TMEM132B: variants seen among roughly 807,000 people sequenced by gnomAD.
The protein encoded by TMEM132B is transmembrane protein 132B.
A neutral mutation model predicts 90.8 loss-of-function variants in TMEM132B; 18 were observed. The observed-to-expected ratio is 0.20, with a 90% CI of 0.14 to 0.29. The LOEUF (loss-of-function observed/expected upper bound fraction) is 0.29, where lower values mean the gene tolerates loss of function less well. Among genes scored for constraint, TMEM132B ranks in the 10% least tolerant of loss-of-function variants. The pLI, the probability that TMEM132B is intolerant of heterozygous loss-of-function variation, is 1.00. For missense variants in TMEM132B, 1,096 were observed against 1,326.8 expected (o/e 0.83, Z 2.70); for synonymous variants, 504 against 523.3 (o/e 0.96, Z 0.50).
chr12:125,627,423 C>T (rs915269943), intron 5 of TMEM132B, among the ~76,000 whole-genome samples: 2 of 151,932 alleles, frequency 1.3e-5, no homozygotes, highest in African/African-American at 4.8e-5. Flanking sequence ...GAGATGAATC[C>T]TTTTTATGAT....
chr12:125,276,942 G>A (rs999897267), intron 1 of TMEM132B, among the ~76,000 whole-genome samples: 2 of 152,150 alleles, frequency 1.3e-5, no homozygotes, highest in Non-Finnish European at 2.9e-5. Flanking sequence ...CTAATCAAAC[G>A]GTCTTTCATC....
rs989234777 is a variant in TMEM132B, at chr12:125,515,105, A to G, written c.1107-4334A>G. On this transcript the variant is annotated intron_variant, in intron 3 of 8. Coordinates refer to ENST00000682704, the MANE Select transcript of TMEM132B (RefSeq NM_001366854.1). ...AACAGCCAAGCAGTGTCGCCACTCC[A>G]TGGCGGATTCCTCCTAACACACGCA... is the stretch of plus-strand genomic sequence containing the variant. Among the ~76,000 whole-genome samples, 63 of 152,150 alleles carry G rather than the reference A, an allele frequency of 4.1e-4. 2 individuals carry two copies. The highest frequency in any genetic ancestry group is 2.9e-5 in the Non-Finnish European group (2 of 68,020).
intron 4 of TMEM132B, among the ~76,000 whole-genome samples, chr12:125,540,386 A>G (rs1290170431): frequency 6.6e-6 from 1 of 152,076 alleles, no homozygotes; most frequent in East Asian, 1.9e-4. Flanking sequence ...ACTTTTTGAT[A>G]TCAATTATTG....
intron 3 of TMEM132B, among the ~76,000 whole-genome samples, chr12:125,475,190 G>A (rs1423411346): frequency 6.6e-6 from 1 of 152,188 alleles, no homozygotes; most frequent in Non-Finnish European, 1.5e-5. Flanking sequence ...AGAGGACCCA[G>A]CACAGTGCCT....
intron 1 of TMEM132B, among the ~76,000 whole-genome samples, chr12:125,329,739 C>A (rs928466695): frequency 3.3e-5 from 5 of 152,144 alleles, no homozygotes; most frequent in Non-Finnish European, 7.3e-5. Context: ...AAAGTGTTCC[C>A]CCAGCCCCGG....
At chr12:125,281,224 A>G (rs887699909) in intron 1 of TMEM132B, among the ~76,000 whole-genome samples, 3 of 152,110 alleles carry the variant, frequency 2.0e-5, no homozygotes, top group African/African-American at 7.2e-5. Flanking sequence ...AGTGGGTGTG[A>G]GCAGGAATGG....
At chr12:125,567,795 TC>T (rs947345239) in intron 4 of TMEM132B, among the ~76,000 whole-genome samples, 6 of 152,010 alleles carry the variant, frequency 3.9e-5, no homozygotes, top group African/African-American at 9.7e-5. Flanking sequence ...CTTTTTTTTT[TC>T]CCCCAGGCAA....
chr12:125,362,853 T>C (rs1878005047), intron 2 of TMEM132B, among the ~76,000 whole-genome samples: 1 of 152,218 alleles, frequency 6.6e-6, no homozygotes, highest in Non-Finnish European at 1.5e-5. Flanking sequence ...CCCCTTCCAG[T>C]CCTGATTGCT....
At chr12:125,547,217 C>G (rs1445330967) in intron 4 of TMEM132B, among the ~76,000 whole-genome samples, 1 of 152,186 alleles carries the variant, frequency 6.6e-6, no homozygotes, top group East Asian at 1.9e-4. Flanking sequence ...AGAAACTGCC[C>G]AACTTTCCCA....
chr12:125,536,730 G>A (rs949599204), intron 4 of TMEM132B, among the ~76,000 whole-genome samples: 7 of 152,132 alleles, frequency 4.6e-5, no homozygotes, highest in Non-Finnish European at 7.3e-5. Context: ...TATCCATTGT[G>A]GTAGGGAGAA....
Position 125,519,425 on chromosome 12 carries a change from T to A in TMEM132B, c.1107-14T>A. On this transcript the variant is annotated splice_polypyrimidine_tract_variant and intron_variant, in intron 3 of 8. Transcript: ENST00000682704. ...AGGTTTTAAATGGAACCTTAATATG[T>A]GTTTGTTTTCCAGGGTAAATGGATC... The A allele has an allele frequency of 6.3e-7, 1 of 1,592,666 alleles. No individual in the cohort carries two copies. The highest frequency in any genetic ancestry group is 8.6e-7 in the Non-Finnish European group (1 of 1,167,822).
At chr12:125,550,521 A>T (rs192900241) in intron 4 of TMEM132B, among the ~76,000 whole-genome samples, 4 of 152,320 alleles carry the variant, frequency 2.6e-5, no homozygotes, top group Non-Finnish European at 5.9e-5. Context: ...TTAGGTACTA[A>T]CATATGTATT....
intron 1 of TMEM132B, among the ~76,000 whole-genome samples, chr12:125,226,932 A>G (rs1873693315): frequency 6.6e-6 from 1 of 152,184 alleles, no homozygotes; most frequent in African/African-American, 2.4e-5. Context: ...ACTGGTGGTT[A>G]TTATAATAGT....
chr12:125,576,466 C>G (rs996632698), intron 4 of TMEM132B, among the ~76,000 whole-genome samples: 2 of 148,612 alleles, frequency 1.3e-5, no homozygotes, highest in African/African-American at 4.9e-5. Context: ...ATTAATCCCC[C>G]CCACCCCGCC....
chr12:125,583,723 C>T (rs1320855787), intron 4 of TMEM132B, 128 bp from the exon 5 acceptor site: 2 of 1,121,692 alleles, frequency 1.8e-6, no homozygotes, highest in Non-Finnish European at 1.3e-6. Context: ...GTGGCTTTGT[C>T]CCTTCAGACA....
In TMEM132B at chr12:125,656,469, A is replaced by T. The variant is rs140362058; in HGVS notation, c.*1759A>T. On this transcript the variant is annotated 3_prime_UTR_variant, in exon 9 of 9. Transcript: ENST00000682704. ...TCTTCCTGTATCTCTGGCCCACAGG[A>T]CTGTAGTGTGTTTGGGAACAGTGCT... The T allele has an allele frequency of 6.6e-6, 1 of 152,274 alleles. No homozygotes were observed. The highest frequency in any genetic ancestry group is 1.5e-5 in the Non-Finnish European group (1 of 68,068). 9.4% of individuals were successfully genotyped at this position (152,274 alleles called of 1,614,324 possible).
intron 3 of TMEM132B, among the ~76,000 whole-genome samples, chr12:125,420,347 C>G (rs1880134396): frequency 6.6e-6 from 1 of 152,220 alleles, no homozygotes; most frequent in Non-Finnish European, 1.5e-5. Context: ...GTTCACAGAC[C>G]TCAATTCTTA....
intron 5 of TMEM132B, chr12:125,584,891 C>G (rs1325527649): frequency 6.6e-6 from 1 of 152,116 alleles, no homozygotes; most frequent in Non-Finnish European, 1.5e-5. Flanking sequence ...AAGAGAGCCC[C>G]AAAGTCCAAT....
chr12:125,337,529 G>A (rs1042043883), intron 1 of TMEM132B, among the ~76,000 whole-genome samples: 10 of 152,266 alleles, frequency 6.6e-5, no homozygotes, highest in African/African-American at 2.4e-4. Flanking sequence ...TCAAGAAGAA[G>A]TCTTGTGGCC....
Sources: gnomAD v4.1 joint callset for allele counts (sites outside exome capture counted in the v4.1 genomes callset) on GRCh38, gnomAD v4.1.1 for gene constraint, MANE v1.5 for transcripts, NCBI Gene and HGNC (gene_info 2026-07-23, HGNC 2026-07-21) for gene names.